GSE1: variants seen among roughly 807,000 people sequenced by gnomAD.
GSE1 encodes Gse1 coiled-coil protein.
A neutral mutation model predicts 112.6 loss-of-function variants in GSE1; 32 were observed. The observed-to-expected ratio is 0.28, with a 90% CI of 0.21 to 0.38. GSE1 has a LOEUF of 0.38. Ranked by LOEUF, GSE1 falls within the 10% of genes least tolerant of loss-of-function variation. GSE1 has a pLI of 1.00. For synonymous variants in GSE1, 1,115 were observed against 735.6 expected (o/e 1.52, Z -8.35); for missense variants, 2,348 against 1,699.2 (o/e 1.38, Z -6.71).
intron 2 of GSE1, among the ~76,000 whole-genome samples, chr16:85,518,494 G>A (rs2052029427): frequency 6.6e-6 from 1 of 152,096 alleles, no homozygotes; most frequent in Non-Finnish European, 1.5e-5. Flanking sequence ...TCACAGCTGG[G>A]AGCCAAGGCT....
At chr16:85,386,786 C>G (rs947305176) in intron 2 of GSE1, among the ~76,000 whole-genome samples, 1 of 152,196 alleles carries the variant, frequency 6.6e-6, no homozygotes, top group Non-Finnish European at 1.5e-5. Flanking sequence ...CCTGGGACAC[C>G]CCTTCCAGAG....
intron 2 of GSE1, among the ~76,000 whole-genome samples, chr16:85,427,484 A>C (rs2049020164): frequency 6.6e-6 from 1 of 152,218 alleles, no homozygotes; most frequent in Non-Finnish European, 1.5e-5. Flanking sequence ...TCTAGTAAAA[A>C]TACAAAAATC....
At chr16:85,367,621 G>A (rs1292719994) in intron 2 of GSE1, among the ~76,000 whole-genome samples, 2 of 152,232 alleles carry the variant, frequency 1.3e-5, no homozygotes, top group Non-Finnish European at 2.9e-5. Flanking sequence ...CAGACCAAGC[G>A]AAGAGCATAT....
At chr16:85,384,635 C>T (rs1490401108) in intron 2 of GSE1, among the ~76,000 whole-genome samples, 5 of 152,168 alleles carry the variant, frequency 3.3e-5, no homozygotes, top group Non-Finnish European at 7.4e-5. Context: ...GGCGGTGGCT[C>T]AGCCTACAGA....
chr16:85,538,892 A>G (rs1024883198), intron 2 of GSE1, among the ~76,000 whole-genome samples: 2 of 152,000 alleles, frequency 1.3e-5, no homozygotes, highest in African/African-American at 4.8e-5. Context: ...CCAGCCCCCA[A>G]ATCTCCCCCA....
chr16:85,169,888 G>C, exon 1 of GSE1: 2 of 984,476 alleles, frequency 2.0e-6, no homozygotes, highest in Non-Finnish European at 2.4e-6. Flanking sequence ...CCACCAGTGC[G>C]ACGCGGGCGC....
intron 2 of GSE1, among the ~76,000 whole-genome samples, chr16:85,437,873 A>G (rs901321391): frequency 1.3e-5 from 2 of 152,142 alleles, no homozygotes; most frequent in Non-Finnish European, 2.9e-5. Context: ...GGTGTCAGGC[A>G]TGTTGCTGAA....
chr16:85,265,658 G>A (rs1054005733), intron 1 of GSE1, among the ~76,000 whole-genome samples: 4 of 152,182 alleles, frequency 2.6e-5, no homozygotes, highest in Admixed American at 2.6e-4. Flanking sequence ...ATTGCTGGGA[G>A]CAGGCACTGA....
intron 2 of GSE1, among the ~76,000 whole-genome samples, chr16:85,527,550 G>A (rs531107069): frequency 4.6e-5 from 7 of 152,374 alleles, no homozygotes; most frequent in Admixed American, 1.3e-4. Flanking sequence ...CTGGGGAGGC[G>A]GTTACTTCCT....
chr16:85,614,659 G>C (rs2048256668), intron 1 of GSE1, among the ~76,000 whole-genome samples: 1 of 152,236 alleles, frequency 6.6e-6, no homozygotes, highest in South Asian at 2.1e-4. Context: ...GCACCTGCCG[G>C]GTTCCCAGCT....
chr16:85,411,371 AG>A (rs71151288), intron 2 of GSE1, among the ~76,000 whole-genome samples: 1 of 19,966 alleles, frequency 5.0e-5, no homozygotes. Flanking sequence ...TGTTACACTC[AG>A]GCCTCCCGGA....
At position 85,475,561 on chromosome 16, in the gene GSE1, A is replaced by G. The variant is rs116465173; in HGVS notation, c.2464+117918A>G. ...TATCACGATGCTGGCTCCAGCCTTC[A>G]GAAGCTGGATTATTTGTAGCATGCC... is the stretch of plus-strand genomic sequence containing the variant. On this transcript the variant is annotated intron_variant, in intron 2 of 2. Transcript: ENST00000637419. 3.1e-3 allele frequency among the ~76,000 whole-genome samples: 470 copies of G among 152,320 alleles called. 1 individual carries two copies. Among genetic ancestry groups the G allele is most frequent in the African/African-American group, 0.011 (443 of 41,558 alleles).
chr16:85,313,185 T>C (rs1035594366), intron 1 of GSE1, among the ~76,000 whole-genome samples: 2 of 152,172 alleles, frequency 1.3e-5, no homozygotes, highest in Non-Finnish European at 2.9e-5. Flanking sequence ...CCCTTGTCCC[T>C]CTGACCACAG....
intron 1 of GSE1, among the ~76,000 whole-genome samples, chr16:85,569,526 T>G (rs1287379310): frequency 6.6e-6 from 1 of 152,186 alleles, no homozygotes; most frequent in Admixed American, 6.5e-5. Context: ...GCTTTGTACA[T>G]TTCAAGAGCT....
At chr16:85,187,833 G>A (rs1489896848) in intron 1 of GSE1, among the ~76,000 whole-genome samples, 1 of 152,234 alleles carries the variant, frequency 6.6e-6, no homozygotes, top group Admixed American at 6.5e-5. Context: ...CTGGGGAAAT[G>A]ATCGCTGTGG....
intron 1 of GSE1, among the ~76,000 whole-genome samples, chr16:85,303,468 C>A (rs1368417672): frequency 6.6e-6 from 1 of 151,592 alleles, no homozygotes; most frequent in Non-Finnish European, 1.5e-5. Context: ...CCAGAGGGCG[C>A]CGCACCCCCG....
chr16:85,265,785 G>A (rs943807917), intron 1 of GSE1, among the ~76,000 whole-genome samples: 2 of 152,136 alleles, frequency 1.3e-5, no homozygotes, highest in African/African-American at 4.8e-5. Context: ...CCCATGCATC[G>A]CCGGGGTCCA....
At chr16:85,431,762 T>G (rs2049128400) in intron 2 of GSE1, among the ~76,000 whole-genome samples, 1 of 152,202 alleles carries the variant, frequency 6.6e-6, no homozygotes, top group African/African-American at 2.4e-5. Flanking sequence ...TGGGCCGCCT[T>G]GCCTCCCTGG....
intron 2 of GSE1, among the ~76,000 whole-genome samples, chr16:85,404,381 CACT>C (rs2048207606): frequency 4.6e-5 from 1 of 21,908 alleles, no homozygotes; most frequent in African/African-American, 1.6e-4. Flanking sequence ...GGATAATCCT[CACT>C]GTTACACTCA....
Sources: allele counts gnomAD v4.1 joint callset (sites outside exome capture counted in the v4.1 genomes callset), GRCh38; gene constraint gnomAD v4.1.1; transcripts MANE v1.5; gene names NCBI Gene and HGNC (gene_info 2026-07-23, HGNC 2026-07-21).